Variants in KCNT1 observed in about 807,000 individuals in gnomAD.
KCNT1 encodes the protein potassium channel subfamily T member 1.
KCNT1 carries 78 observed loss-of-function variants against 147.8 expected under a neutral mutation model. The observed-to-expected ratio is 0.53, with a 90% CI of 0.44 to 0.64. The LOEUF (loss-of-function observed/expected upper bound fraction) is 0.64, where lower values mean the gene tolerates loss of function less well. KCNT1 is among the 30% of genes least tolerant of loss of function. The pLI, the probability that KCNT1 is intolerant of heterozygous loss-of-function variation, is 0.00. For missense variants in KCNT1, 1,419 were observed against 1,750.3 expected, an observed-to-expected ratio of 0.81 and a Z score of 3.38; for synonymous variants, 867 against 748.8, an observed-to-expected ratio of 1.16 and a Z score of -2.58.
intron 11 of KCNT1, among the ~76,000 whole-genome samples, chr9:135,764,677 T>G (rs1035398457): frequency 1.3e-5 from 2 of 152,108 alleles, no homozygotes; most frequent in African/African-American, 4.8e-5. Context: ...TGCGAGTGCC[T>G]GGAAGACCGG....
chr9:135,783,041 C>T (rs914381949), intron 24 of KCNT1, among the ~76,000 whole-genome samples: 4 of 152,190 alleles, frequency 2.6e-5, no homozygotes, highest in African/African-American at 9.7e-5. Flanking sequence ...GTGTGGCCTC[C>T]GTGGGCGCAC....
intron 2 of KCNT1, among the ~76,000 whole-genome samples, chr9:135,746,880 G>A (rs949050672): frequency 6.6e-4 from 101 of 152,174 alleles, no homozygotes; most frequent in Admixed American, 3.3e-4. Context: ...TGAGGGCAGA[G>A]CTGCAGGACC....
chr9:135,708,268 A>G (rs572924184), intron 1 of KCNT1, among the ~76,000 whole-genome samples: 5 of 152,218 alleles, frequency 3.3e-5, no homozygotes, highest in Non-Finnish European at 7.3e-5. Context: ...ATGCCCATGT[A>G]CATGTATGCA....
intron 22 of KCNT1, 64 bp downstream of exon 22, chr9:135,778,559 G>C: frequency 3.1e-6 from 5 of 1,605,106 alleles, no homozygotes; most frequent in Non-Finnish European, 4.3e-6. Context: ...CTCTTCCAAA[G>C]TCTGGGGTGA....
chr9:135,755,260 C>A, intron 6 of KCNT1, 91 bp downstream of exon 6: 2 of 1,135,364 alleles, frequency 1.8e-6, no homozygotes, highest in African/African-American at 1.6e-5. Flanking sequence ...GGAACCCAGG[C>A]TCGGTGAGCA....
chr9:135,706,426 GCTC>G (rs1835256879), intron 1 of KCNT1, among the ~76,000 whole-genome samples: 1 of 152,224 alleles, frequency 6.6e-6, no homozygotes, highest in Non-Finnish European at 1.5e-5. Context: ...GGTGAGAATG[GCTC>G]CTCCTCACAA....
intron 2 of KCNT1, among the ~76,000 whole-genome samples, chr9:135,732,619 C>A (rs560751530): frequency 6.6e-6 from 1 of 152,264 alleles, no homozygotes; most frequent in Admixed American, 6.5e-5. Context: ...ATCTCATCTT[C>A]GAGTGTGGCT....
chr9:135,714,761 C>A lies in KCNT1; in HGVS notation c.254+41C>A, dbSNP rs186935207. Reference sequence around the variant, plus strand: ...GGGGTGGGGGCTGGGGTCGCCGTCCCGGCGCCGCCGCACGCCCGGAGCTGT... The same window carrying A: ...GGGGTGGGGGCTGGGGTCGCCGTCCAGGCGCCGCCGCACGCCCGGAGCTGT... On this transcript the variant is annotated intron_variant, in intron 2 of 30. Transcript: ENST00000371757. This position sits in a 1 kb window ranked among gnomAD's most constrained non-coding sequence, Gnocchi z 6.2. 1 of 1,200,342 alleles carries A rather than the reference C, an allele frequency of 8.3e-7. No homozygotes were observed. Among genetic ancestry groups the A allele is most frequent in the Non-Finnish European group, 1.0e-6 (1 of 955,194 alleles). The allele number at this position is 1,200,342 out of a possible 1,614,324, so 74.4% of individuals were successfully genotyped here.
intron 29 of KCNT1, chr9:135,791,437 C>A (rs1036078878): frequency 3.5e-6 from 1 of 282,202 alleles, no homozygotes; most frequent in Non-Finnish European, 6.8e-6. Flanking sequence ...TGAACAGACA[C>A]GTCCCGGTGT....
chr9:135,758,568 A>C, intron 10 of KCNT1, 60 bp downstream of exon 10: 1 of 1,378,534 alleles, frequency 7.3e-7, no homozygotes. Flanking sequence ...AGAGGCAAGC[A>C]GGGCCGGGCG....
chr9:135,717,459 G>A lies in KCNT1; in HGVS notation c.254+2739G>A, dbSNP rs62585117. On this transcript the variant is annotated intron_variant, in intron 2 of 30. Transcript: ENST00000371757. ...TCTGGAAGGTGGGGGGCTGCTGGTCGGCTGGTGTCCAGCCCGGTTCCCAGC... is the reference window on the plus strand; with the variant it reads ...TCTGGAAGGTGGGGGGCTGCTGGTCAGCTGGTGTCCAGCCCGGTTCCCAGC... Among the ~76,000 whole-genome samples, 1,470 of 152,194 alleles carry A rather than the reference G, an allele frequency of 9.7e-3. 12 individuals are homozygous for A. Among genetic ancestry groups the A allele is most frequent in the Middle Eastern group, 0.02 (6 of 294 alleles).
chr9:135,770,403 C>G lies in KCNT1; in HGVS notation c.1725C>G (p.Tyr575Ter). The change falls in exon 17 of 31, where the codon TAC becomes TAG. Residue 575 changes from tyrosine to a stop codon, truncating the protein, a stop_gained. Coordinates refer to ENST00000371757, the MANE Select transcript of KCNT1 (RefSeq NM_020822.3). LOFTEE classifies it high-confidence loss of function. Reference sequence around the variant, plus strand: ...GTGACAGCAAGTTCTTCCGCGAGTACGAGGGCAAGAGCTTCACCTACGCGG... The same window carrying G: ...GTGACAGCAAGTTCTTCCGCGAGTAGGAGGGCAAGAGCTTCACCTACGCGG... ...RMGDSKFFREYEGKSFTYAAF... is the reference protein window; with the variant it reads ...RMGDSKFFRE 1 of 1,613,178 alleles carries G rather than the reference C, an allele frequency of 6.2e-7. No individual in the cohort carries two copies. Among genetic ancestry groups the G allele is most frequent in the Non-Finnish European group, 8.5e-7 (1 of 1,179,722 alleles).
intron 2 of KCNT1, among the ~76,000 whole-genome samples, chr9:135,742,456 G>A (rs1830613237): frequency 1.3e-5 from 2 of 152,204 alleles, no homozygotes; most frequent in East Asian, 1.9e-4. Context: ...CCAGGCACAG[G>A]AGGGTGCATG....
At chr9:135,770,148 C>T (rs1670572297) in intron 16 of KCNT1, 93 bp downstream of exon 16, 9 of 1,390,258 alleles carry the variant, frequency 6.5e-6, no homozygotes, top group African/African-American at 1.4e-5. Flanking sequence ...GATGGGCTTC[C>T]CAGAGGAGGG....
At chr9:135,787,954 C>T (rs1834197781) in intron 29 of KCNT1, 6 of 684,866 alleles carry the variant, frequency 8.8e-6, no homozygotes, top group Admixed American at 5.9e-5. Flanking sequence ...GAGCAACTGC[C>T]TTTCTGGTGA....
At chr9:135,723,070 G>A (rs1056283487) in intron 2 of KCNT1, among the ~76,000 whole-genome samples, 5 of 152,348 alleles carry the variant, frequency 3.3e-5, no homozygotes, top group Non-Finnish European at 7.3e-5. Flanking sequence ...CCTCTCCAGC[G>A]CTCATCACAA....
At chr9:135,785,761 C>T in intron 28 of KCNT1, 1 of 438,586 alleles carries the variant, frequency 2.3e-6, no homozygotes, top group Non-Finnish European at 4.2e-6. Context: ...TTCGGGGCCT[C>T]CAAAGGGTGT....
rs111647144 is a variant in KCNT1, at chr9:135,772,764, C to T, written c.2058C>T (p.Ser686=). Residue 686 remains serine, a synonymous_variant, in exon 19 of 31, where the codon AGC becomes AGT. Coordinates refer to ENST00000371757, the MANE Select transcript of KCNT1 (RefSeq NM_020822.3). ...LQGTEHRPTQ[S]GGGGGGSKLA... The stretch of plus-strand genomic sequence containing the variant: ...GCACAGAGCACCGGCCTACGCAGAG[C>T]GGCGGTGGGGGCGGGGGCAGCAAGC... 102 of 1,476,728 alleles carry T rather than the reference C, an allele frequency of 6.9e-5. 1 individual carries two copies. The African/African-American group carries it at 8.3e-4, about 12-fold the overall frequency. The allele number at this position is 1,476,728 out of a possible 1,614,324, so 91.5% of individuals were successfully genotyped here. A position where few individuals can be genotyped will look rare whatever the true frequency, so the allele number is the denominator to read the frequency against.
intron 9 of KCNT1, 82 bp downstream of exon 9, chr9:135,757,463 A>G: frequency 7.8e-7 from 1 of 1,280,074 alleles, no homozygotes; most frequent in Non-Finnish European, 1.1e-6. Context: ...TGTGCGACGT[A>G]GCCTGCCACG....
Sources: allele counts gnomAD v4.1 joint callset (sites outside exome capture counted in the v4.1 genomes callset), GRCh38; gene constraint gnomAD v4.1.1; non-coding constraint Gnocchi (gnomAD v3.1); transcripts MANE v1.5; gene names NCBI Gene and HGNC (gene_info 2026-07-23, HGNC 2026-07-21).